PATJ: variants seen among roughly 807,000 people sequenced by gnomAD.
The protein encoded by PATJ is inaD-like protein.
In PATJ, 190 loss-of-function variants were observed where a neutral mutation model predicts 224.9. The observed-to-expected ratio is 0.84, with a 90% CI of 0.75 to 0.95. The LOEUF (loss-of-function observed/expected upper bound fraction) is 0.95, where lower values mean the gene tolerates loss of function less well. Ranked by LOEUF, PATJ falls within the 40% of genes least tolerant of loss-of-function variation. The pLI is 0.00. For missense variants in PATJ, 2,121 were observed against 2,270.3 expected (o/e 0.93, Z 1.34); for synonymous variants, 769 against 820.3 (o/e 0.94, Z 1.07).
rs1475719528 is a variant in PATJ at position 62,073,131 on chromosome 1, G to T, written c.4126-6319G>T. 4 of 985,268 alleles carry T rather than the reference G, an allele frequency of 4.1e-6. No individual in the cohort carries two copies. The South Asian group carries it at 1.9e-4, about 46-fold the overall frequency. 61.0% of individuals were successfully genotyped at this position (985,268 alleles called of 1,614,324 possible). A position where few individuals can be genotyped will look rare whatever the true frequency, so the allele number is the denominator to read the frequency against. On this transcript the variant is annotated intron_variant, in intron 31 of 43. Coordinates refer to ENST00000642238, the MANE Select transcript of PATJ (RefSeq NM_001350145.3). ...TGTACTTTAGGTTTTGCTCTTCTGG[G>T]GTTGCGTGCGTTATAGACCGGGTTC... is the stretch of plus-strand genomic sequence containing the variant.
intron 1 of PATJ, among the ~76,000 whole-genome samples, chr1:61,747,835 G>C (rs1015681691): frequency 6.6e-6 from 1 of 152,196 alleles, no homozygotes; most frequent in Non-Finnish European, 1.5e-5. Flanking sequence ...GGGTTAGTTA[G>C]GATTGAAATG....
chr1:62,026,967 A>G (rs1648081313), intron 29 of PATJ, among the ~76,000 whole-genome samples: 1 of 152,196 alleles, frequency 6.6e-6, no homozygotes, highest in African/African-American at 2.4e-5. Flanking sequence ...AACCGAGTAT[A>G]ACATATAACA....
In PATJ at chr1:62,029,152, A is replaced by C. The variant is rs568348987; in HGVS notation, c.3960-8825A>C. Among the ~76,000 whole-genome samples the C allele has an allele frequency of 3.3e-5, 5 of 152,218 alleles. No homozygotes were observed. The East Asian group carries it at 9.7e-4, about 29-fold the overall frequency. On this transcript the variant is annotated intron_variant, in intron 29 of 43. Coordinates refer to ENST00000642238, the MANE Select transcript of PATJ (RefSeq NM_001350145.3). ...ACCTTCAACTTTATTTTTCTTTTTC[A>C]AGATTGTTTTGGCTATTTGGGATGC...
chr1:61,841,600 C>T (rs201821074), intron 17 of PATJ, among the ~76,000 whole-genome samples: 8 of 142,226 alleles, frequency 5.6e-5, no homozygotes, highest in Middle Eastern at 3.4e-3. Flanking sequence ...TTTCTCTTGC[C>T]TTTTTTTTTT....
At position 62,123,762 on chromosome 1, in the gene PATJ, G is replaced by C. The variant is rs111696768; in HGVS notation, c.5043+704G>C. ...AAAGTGCTGGGATTACAGGCGTGAG[G>C]CACCGTGCCCGGCCAAATGTGCTAT... is the stretch of plus-strand genomic sequence containing the variant. On this transcript the variant is annotated intron_variant, in intron 39 of 43. Coordinates refer to ENST00000642238, the MANE Select transcript of PATJ (RefSeq NM_001350145.3). 0.034 allele frequency among the ~76,000 whole-genome samples: 4,336 copies of C among 127,854 alleles called. 1,460 individuals are homozygous for C. In the East Asian group the frequency reaches 0.49, roughly 14 times the overall value. The allele number at this position is 127,854 out of a possible 152,430, so 83.9% of individuals were successfully genotyped here. A position where few individuals can be genotyped will look rare whatever the true frequency, so the allele number is the denominator to read the frequency against.
At chr1:61,996,698 G>A (rs1052880508) in intron 28 of PATJ, among the ~76,000 whole-genome samples, 1 of 149,646 alleles carries the variant, frequency 6.7e-6, no homozygotes, top group Non-Finnish European at 1.5e-5. Flanking sequence ...GACTTTTCCT[G>A]TAGCTTTATT....
chr1:62,056,181 A>C (rs939784017), intron 31 of PATJ, among the ~76,000 whole-genome samples: 15 of 152,072 alleles, frequency 9.9e-5, no homozygotes, highest in African/African-American at 3.6e-4. Flanking sequence ...TTCCAGACAC[A>C]CCCAGAAATA....
chr1:61,752,069 C>T (rs1645363113), intron 1 of PATJ, among the ~76,000 whole-genome samples: 1 of 144,020 alleles, frequency 6.9e-6, no homozygotes. Context: ...ACCCGGGAGG[C>T]AGAGGTTGTG....
intron 34 of PATJ, among the ~76,000 whole-genome samples, chr1:62,112,595 A>C (rs909289016): frequency 1.3e-5 from 2 of 152,242 alleles, no homozygotes; most frequent in East Asian, 3.8e-4. Flanking sequence ...TTCCAGTAGC[A>C]CACAGGGCTG....
In PATJ at chr1:62,078,818, G is replaced by T. The variant is rs141963809; in HGVS notation, c.4126-632G>T. ...GAGTCCCTACTATGTTCCAGGCACT[G>T]GGTATCGTAGGTGCCTGGAACATAG... On this transcript the variant is annotated intron_variant, in intron 31 of 43. Coordinates refer to ENST00000642238, the MANE Select transcript of PATJ (RefSeq NM_001350145.3). The T allele has an allele frequency of 4.0e-5, 6 of 150,852 alleles. No homozygotes were observed. In the East Asian group the frequency reaches 1.2e-3, roughly 30 times the overall value. 9.3% of individuals were successfully genotyped at this position (150,852 alleles called of 1,614,324 possible).
At chr1:61,876,308 G>A (rs1215872843) in intron 21 of PATJ, among the ~76,000 whole-genome samples, 1 of 152,132 alleles carries the variant, frequency 6.6e-6, no homozygotes, top group African/African-American at 2.4e-5. Flanking sequence ...AAGATTAGAT[G>A]AATCTACCCA....
At chr1:61,886,819 C>CA (rs35950461) in intron 22 of PATJ, among the ~76,000 whole-genome samples, 1 of 87,412 alleles carries the variant, frequency 1.1e-5, no homozygotes. Context: ...GACCCCATCT[C>CA]AAAAAAAAAA....
At chr1:61,973,105 TTCAGA>T in intron 27 of PATJ, among the ~76,000 whole-genome samples, 1 of 152,188 alleles carries the variant, frequency 6.6e-6, no homozygotes, top group East Asian at 1.9e-4. Flanking sequence ...TCTTGACCAA[TTCAGA>T]TAATGACAAA....
chr1:61,896,527 T>C (rs186075323), intron 22 of PATJ, among the ~76,000 whole-genome samples: 2 of 152,264 alleles, frequency 1.3e-5, no homozygotes, highest in East Asian at 3.9e-4. Context: ...ACTTGGACTT[T>C]TGGGTTAATG....
chr1:62,137,172 T>TTAAG (rs2148981474), intron 41 of PATJ, among the ~76,000 whole-genome samples: 1 of 151,956 alleles, frequency 6.6e-6, no homozygotes, highest in South Asian at 2.1e-4. Flanking sequence ...ATAGTTCTAA[T>TTAAG]TAAGTTTAAT....
chr1:62,136,762 T>C (rs960615366), intron 41 of PATJ, among the ~76,000 whole-genome samples: 2 of 151,676 alleles, frequency 1.3e-5, no homozygotes, highest in Admixed American at 6.6e-5. Flanking sequence ...TGGAGTGCAG[T>C]GGCACAATCA....
chr1:61,950,631 G>A (rs1679506188), intron 27 of PATJ, among the ~76,000 whole-genome samples: 1 of 152,094 alleles, frequency 6.6e-6, no homozygotes, highest in Admixed American at 6.5e-5. Context: ...TTTAAAGAAT[G>A]TTAAGAATGT....
intron 24 of PATJ, among the ~76,000 whole-genome samples, chr1:61,901,712 C>T (rs1229230379): frequency 3.9e-5 from 6 of 152,140 alleles, no homozygotes; most frequent in Admixed American, 3.9e-4. Context: ...ACAAAGGGCT[C>T]TATATAGAAC....
At chr1:61,952,303 AGAG>A (rs1361084712) in intron 27 of PATJ, 1 of 654,578 alleles carries the variant, frequency 1.5e-6, no homozygotes, top group East Asian at 2.9e-5. Flanking sequence ...GGTCGTCAGA[AGAG>A]AGAGGAGTCT....
Sources: allele counts gnomAD v4.1 joint callset (sites outside exome capture counted in the v4.1 genomes callset), GRCh38; gene constraint gnomAD v4.1.1; transcripts MANE v1.5; gene names NCBI Gene and HGNC (gene_info 2026-07-23, HGNC 2026-07-21).